The following AOAH variants were observed in gnomAD, a reference collection of about 807,000 sequenced individuals.
The protein encoded by AOAH is acyloxyacyl hydrolase (neutrophil).
Under a neutral mutation model 92.2 loss-of-function variants are expected in AOAH, and 64 were observed. The ratio of observed to expected loss-of-function variants is 0.69; its 90% CI spans 0.57 to 0.86. The LOEUF is 0.86. AOAH is among the 40% of genes least tolerant of loss of function. The probability of loss-of-function intolerance (pLI) is 0.00; values close to 1 mark genes in which losing one functional copy is unlikely to be tolerated. For synonymous variants in AOAH, 263 were observed against 254.5 expected, an observed-to-expected ratio of 1.03 and a Z score of -0.32; for missense variants, 656 against 694.6, an observed-to-expected ratio of 0.94 and a Z score of 0.62.
At chr7:36,558,680 C>A (rs1443136637) in intron 13 of AOAH, among the ~76,000 whole-genome samples, 1 of 152,244 alleles carries the variant, frequency 6.6e-6, no homozygotes, top group African/African-American at 2.4e-5. Flanking sequence ...TGGGCAATGG[C>A]GGGAGCCCCT....
intron 2 of AOAH, among the ~76,000 whole-genome samples, chr7:36,675,203 C>G (rs1796173954): frequency 1.3e-5 from 2 of 152,172 alleles, no homozygotes; most frequent in Admixed American, 6.5e-5. Flanking sequence ...TTGCAGTGAG[C>G]CGAGATCGTG....
Position 36,544,673 on chromosome 7 carries a change from C to T in AOAH, c.1133+3939G>A, listed in dbSNP as rs976117744. On this transcript the variant is annotated intron_variant, in intron 15 of 20. Transcript: ENST00000617537. ...CTCACACATGTCAGAAACAAATGGC[C>T]GGGCTGGGAACAGATGAAGAGCCTC... 3.3e-5 allele frequency among the ~76,000 whole-genome samples: 5 copies of T among 152,172 alleles called. No individual in the cohort carries two copies. In the South Asian group the frequency reaches 6.2e-4, roughly 19 times the overall value.
At chr7:36,610,497 C>T (rs1363805703) in intron 11 of AOAH, among the ~76,000 whole-genome samples, 1 of 98,968 alleles carries the variant, frequency 1.0e-5, no homozygotes, top group Middle Eastern at 4.9e-3. Context: ...GGCTTTATAA[C>T]TTTTTTTTTT....
intron 6 of AOAH, among the ~76,000 whole-genome samples, chr7:36,627,814 C>T (rs1333774541): frequency 2.0e-5 from 3 of 149,614 alleles, no homozygotes; most frequent in South Asian, 2.2e-4. Context: ...TCAGGTGAGT[C>T]GGCTTGATCC....
chr7:36,621,412 T>C (rs2116067206), intron 8 of AOAH, among the ~76,000 whole-genome samples: 1 of 152,330 alleles, frequency 6.6e-6, no homozygotes, highest in African/African-American at 2.4e-5. Context: ...AGATAATCTG[T>C]TCACTTGATT....
chr7:36,619,211 C>T (rs1473823315), intron 9 of AOAH, among the ~76,000 whole-genome samples: 1 of 152,158 alleles, frequency 6.6e-6, no homozygotes, highest in Non-Finnish European at 1.5e-5. Flanking sequence ...CCCTGGGACA[C>T]AGTATGGGCA....
At chr7:36,517,747 C>T (rs1363326167) in intron 20 of AOAH, among the ~76,000 whole-genome samples, 2 of 151,616 alleles carry the variant, frequency 1.3e-5, no homozygotes, top group Non-Finnish European at 2.9e-5. Flanking sequence ...ATTACAGGCA[C>T]ATGCCACCAT....
intron 16 of AOAH, among the ~76,000 whole-genome samples, chr7:36,539,095 T>C (rs1785259303): frequency 6.6e-6 from 1 of 152,164 alleles, no homozygotes; most frequent in Admixed American, 6.5e-5. Flanking sequence ...ACTGGAAAGA[T>C]TCACACAAAG....
chr7:36,687,919 C>T (rs114879857), intron 1 of AOAH, among the ~76,000 whole-genome samples: 1 of 152,254 alleles, frequency 6.6e-6, no homozygotes, highest in African/African-American at 2.4e-5. Context: ...GAGAGATTGC[C>T]AGTGAAGAAA....
intron 20 of AOAH, among the ~76,000 whole-genome samples, chr7:36,518,290 A>G (rs12666359): frequency 0.44 from 67,543 of 151,804 alleles, 16,650 homozygotes; most frequent in East Asian, 0.59. Flanking sequence ...GCTCACTGCA[A>G]CCTCTGCCTC....
intron 19 of AOAH, among the ~76,000 whole-genome samples, chr7:36,526,022 C>T (rs1273272948): frequency 2.0e-5 from 3 of 152,096 alleles, no homozygotes; most frequent in Non-Finnish European, 4.4e-5. Context: ...GAGAGGTCCA[C>T]CTTTTGTCAT....
chr7:36,624,136 G>T (rs1256519675), intron 6 of AOAH, among the ~76,000 whole-genome samples: 1 of 152,140 alleles, frequency 6.6e-6, no homozygotes, highest in Non-Finnish European at 1.5e-5. Flanking sequence ...TCTCAGGCCT[G>T]CTTCTACACT....
At chr7:36,523,246 T>C (rs933135760) in intron 19 of AOAH, among the ~76,000 whole-genome samples, 1 of 152,234 alleles carries the variant, frequency 6.6e-6, no homozygotes, top group South Asian at 2.1e-4. Context: ...CATCATATTA[T>C]GCTTCTGGGT....
At chr7:36,650,947 G>C (rs1228004360) in intron 4 of AOAH, among the ~76,000 whole-genome samples, 1 of 152,190 alleles carries the variant, frequency 6.6e-6, no homozygotes, top group Non-Finnish European at 1.5e-5. Flanking sequence ...TCCTGGAGAG[G>C]GGGTACTTAA....
intron 13 of AOAH, among the ~76,000 whole-genome samples, chr7:36,555,298 C>T (rs957825809): frequency 1.7e-4 from 26 of 152,276 alleles, no homozygotes; most frequent in African/African-American, 5.3e-4. Context: ...TATTGACTTG[C>T]GCATACTGAA....
rs561047620 is a variant in AOAH at position 36,724,080 on chromosome 7, G to A, written c.69C>T (p.Ala23=). The change falls in exon 1 of 21, where the codon GCC becomes GCT. Residue 23 remains alanine, a synonymous_variant. Coordinates refer to ENST00000617537, the MANE Select transcript of AOAH (RefSeq NM_001637.4). ...TGGACTGGTCATCGTTGGCTGGAGAGGCCGAGGACTGAAGAGACAGGAGCA... is the reference window on the plus strand; with the variant it reads ...TGGACTGGTCATCGTTGGCTGGAGAAGCCGAGGACTGAAGAGACAGGAGCA... ...LFLLLSLQSS[A]SPANDDQSRP... is the part of the protein sequence containing the mutation. The A allele has an allele frequency of 1.2e-6, 2 of 1,613,824 alleles. No homozygotes were observed. The highest frequency in any genetic ancestry group is 1.7e-5 in the Admixed American group (1 of 60,002).
At chr7:36,672,179 G>A (rs775349844) in intron 3 of AOAH, among the ~76,000 whole-genome samples, 5 of 152,146 alleles carry the variant, frequency 3.3e-5, no homozygotes, top group Non-Finnish European at 5.9e-5. Flanking sequence ...TATTAAGAGA[G>A]GCAGATGCAC....
chr7:36,679,430 T>G (rs1461097842), intron 2 of AOAH, among the ~76,000 whole-genome samples: 2 of 151,416 alleles, frequency 1.3e-5, no homozygotes, highest in Non-Finnish European at 2.9e-5. Flanking sequence ...ACATAGCAAG[T>G]GGTTCAGCTG....
At chr7:36,574,429 A>G (rs1196086493) in intron 13 of AOAH, among the ~76,000 whole-genome samples, 9 of 152,138 alleles carry the variant, frequency 5.9e-5, no homozygotes, top group African/African-American at 2.2e-4. Flanking sequence ...AAGGACAACC[A>G]TTTACTATCA....
Sources: allele counts gnomAD v4.1 joint callset (sites outside exome capture counted in the v4.1 genomes callset), GRCh38; gene constraint gnomAD v4.1.1; transcripts MANE v1.5; gene names NCBI Gene and HGNC (gene_info 2026-07-23, HGNC 2026-07-21).